CSMD1: variants seen among roughly 807,000 people sequenced by gnomAD.
The protein encoded by CSMD1 is CUB and Sushi multiple domains 1.
CSMD1 carries 213 observed loss-of-function variants against 417.5 expected under a neutral mutation model. The observed-to-expected ratio is 0.51, with a 90% CI of 0.46 to 0.57. The LOEUF is 0.57. Ranked by LOEUF, CSMD1 falls within the 20% of genes least tolerant of loss-of-function variation. The probability of loss-of-function intolerance (pLI) is 0.00; values close to 1 mark genes in which losing one functional copy is unlikely to be tolerated. For missense variants in CSMD1, 6,923 were observed against 4,529.7 expected (o/e 1.53, Z -15.17); for synonymous variants, 2,862 against 1,736.8 (o/e 1.65, Z -16.11).
chr8:4,659,937 A>G (rs1020968276), intron 1 of CSMD1, among the ~76,000 whole-genome samples: 46 of 152,186 alleles, frequency 3.0e-4, no homozygotes, highest in African/African-American at 1.1e-3. Context: ...TCAGGATCAA[A>G]ACACTCTGAA....
At chr8:3,817,229 C>T (rs921345925) in intron 5 of CSMD1, among the ~76,000 whole-genome samples, 2 of 135,952 alleles carry the variant, frequency 1.5e-5, no homozygotes, top group Non-Finnish European at 3.1e-5. Flanking sequence ...TCTCCAAATC[C>T]AAAGTGGTCA....
chr8:3,612,376 C>A (rs1429271018), intron 8 of CSMD1, among the ~76,000 whole-genome samples: 1 of 151,762 alleles, frequency 6.6e-6, no homozygotes, highest in African/African-American at 2.4e-5. Flanking sequence ...AGATAAATCT[C>A]TCTCAATCAC....
intron 5 of CSMD1, among the ~76,000 whole-genome samples, chr8:3,787,370 C>G (rs767206304): frequency 2.6e-5 from 4 of 152,040 alleles, no homozygotes; most frequent in African/African-American, 4.8e-5. Flanking sequence ...CTTGCAAAAT[C>G]AATTAAGTAA....
At chr8:3,375,819 A>T (rs1317841218) in intron 18 of CSMD1, among the ~76,000 whole-genome samples, 2 of 152,122 alleles carry the variant, frequency 1.3e-5, no homozygotes, top group Non-Finnish European at 2.9e-5. Context: ...GCATTTGATC[A>T]TCATCTACCT....
At chr8:3,252,498 A>G (rs1800344260) in intron 26 of CSMD1, among the ~76,000 whole-genome samples, 1 of 152,170 alleles carries the variant, frequency 6.6e-6, no homozygotes, top group African/African-American at 2.4e-5. Context: ...TTTGATGTTC[A>G]TCAGGGATAT....
At chr8:4,017,494 C>T (rs975840124) in intron 4 of CSMD1, among the ~76,000 whole-genome samples, 1 of 151,884 alleles carries the variant, frequency 6.6e-6, no homozygotes, top group East Asian at 1.9e-4. Context: ...TTAGTAGAGA[C>T]GGGGTTTCTC....
intron 1 of CSMD1, among the ~76,000 whole-genome samples, chr8:4,871,138 G>A (rs1253385633): frequency 6.6e-6 from 1 of 152,136 alleles, no homozygotes; most frequent in African/African-American, 2.4e-5. Flanking sequence ...CAGCCGTGAT[G>A]AGAATCTAGG....
At chr8:3,413,309 A>G (rs1399081957) in intron 12 of CSMD1, among the ~76,000 whole-genome samples, 1 of 152,132 alleles carries the variant, frequency 6.6e-6, no homozygotes, top group Non-Finnish European at 1.5e-5. Context: ...TCTACTGTGC[A>G]GAGGTTTCAG....
chr8:4,043,472 T>C (rs368993138), intron 3 of CSMD1, among the ~76,000 whole-genome samples: 5 of 152,194 alleles, frequency 3.3e-5, no homozygotes, highest in Non-Finnish European at 5.9e-5. Flanking sequence ...CACCCAGTGT[T>C]ATGTTGTCTT....
At chr8:4,962,355 T>C (rs1223288953) in intron 1 of CSMD1, among the ~76,000 whole-genome samples, 1 of 152,000 alleles carries the variant, frequency 6.6e-6, no homozygotes, top group South Asian at 2.1e-4. Context: ...GGACTACAGG[T>C]GCAAGCCATC....
chr8:3,850,594 C>A (rs1277617609), intron 5 of CSMD1, among the ~76,000 whole-genome samples: 1 of 152,104 alleles, frequency 6.6e-6, no homozygotes, highest in Non-Finnish European at 1.5e-5. Flanking sequence ...ACTTAGGAAG[C>A]TGAGGCAGGA....
intron 1 of CSMD1, among the ~76,000 whole-genome samples, chr8:4,736,186 T>C (rs930565492): frequency 1.4e-4 from 21 of 152,206 alleles, no homozygotes; most frequent in Admixed American, 5.2e-4. Flanking sequence ...TTCTTCTCTA[T>C]GTTTAATTAT....
chr8:4,772,556 A>G (rs1796655293), intron 1 of CSMD1, among the ~76,000 whole-genome samples: 1 of 152,192 alleles, frequency 6.6e-6, no homozygotes, highest in African/African-American at 2.4e-5. Context: ...GCAGTCACAT[A>G]TGTCTTAAAG....
intron 5 of CSMD1, among the ~76,000 whole-genome samples, chr8:3,859,864 G>A (rs1804575206): frequency 6.6e-6 from 1 of 152,126 alleles, no homozygotes; most frequent in African/African-American, 2.4e-5. Flanking sequence ...TACAGCCTCA[G>A]GCATCTCTTC....
chr8:4,306,502 A>G (rs78233377), intron 3 of CSMD1, among the ~76,000 whole-genome samples: 114,793 of 151,904 alleles, frequency 0.76, 43,496 homozygotes, highest in East Asian at 0.85. Flanking sequence ...TCTCATTTCT[A>G]GAACCACTGA....
intron 12 of CSMD1, among the ~76,000 whole-genome samples, chr8:3,460,564 C>T (rs372267160): frequency 6.6e-5 from 10 of 151,900 alleles, no homozygotes; most frequent in African/African-American, 1.5e-4. Flanking sequence ...CTACAGAGGC[C>T]GCCTAGAGGG....
chr8:3,919,649 T>G (rs952253733), intron 5 of CSMD1, among the ~76,000 whole-genome samples: 10 of 151,972 alleles, frequency 6.6e-5, no homozygotes, highest in African/African-American at 2.4e-4. Context: ...ATTTTATGAC[T>G]TTTTTTTCTA....
chr8:4,430,784 T>A (rs1363755942), intron 2 of CSMD1, among the ~76,000 whole-genome samples: 3 of 152,200 alleles, frequency 2.0e-5, no homozygotes, highest in Non-Finnish European at 4.4e-5. Context: ...CATTTACAAA[T>A]GACATTAAAA....
At chr8:4,321,895 T>C (rs1210513179) in intron 3 of CSMD1, among the ~76,000 whole-genome samples, 1 of 152,090 alleles carries the variant, frequency 6.6e-6, no homozygotes, top group Non-Finnish European at 1.5e-5. Flanking sequence ...CATTGTGATT[T>C]ATTAGACTTT....
Sources: allele counts gnomAD v4.1 joint callset (sites outside exome capture counted in the v4.1 genomes callset), GRCh38; gene constraint gnomAD v4.1.1; transcripts MANE v1.5; gene names NCBI Gene and HGNC (gene_info 2026-07-23, HGNC 2026-07-21).